Variants in CUX1 observed in about 807,000 individuals in gnomAD.
CUX1 encodes protein CASP.
CUX1 carries 31 observed loss-of-function variants against 158.8 expected under a neutral mutation model. That is an observed-to-expected ratio of 0.20 (90% CI 0.15 to 0.26). The LOEUF is 0.26. CUX1 is among the 10% of genes least tolerant of loss of function. The probability of loss-of-function intolerance (pLI) is 1.00; values close to 1 mark genes in which losing one functional copy is unlikely to be tolerated. For synonymous variants in CUX1, 879 were observed against 862.1 expected, an observed-to-expected ratio of 1.02 and a Z score of -0.34; for missense variants, 1,589 against 2,014.6, an observed-to-expected ratio of 0.79 and a Z score of 4.04.
intron 20 of CUX1, among the ~76,000 whole-genome samples, chr7:102,209,403 C>CTT (rs1451798959): frequency 6.6e-6 from 1 of 152,154 alleles, no homozygotes; most frequent in East Asian, 1.9e-4. Context: ...TGACCCACCA[C>CTT]TTTTTCTTAG....
At chr7:101,997,397 G>A (rs953263503) in intron 2 of CUX1, among the ~76,000 whole-genome samples, 3 of 152,134 alleles carry the variant, frequency 2.0e-5, no homozygotes, top group Admixed American at 6.5e-5. Context: ...AGGTTGGAGC[G>A]CAGTGGTGCA....
At chr7:101,897,173 A>T (rs569383082) in intron 1 of CUX1, among the ~76,000 whole-genome samples, 3 of 152,028 alleles carry the variant, frequency 2.0e-5, no homozygotes, top group Admixed American at 6.5e-5. Context: ...GAGGTTTCAA[A>T]CTCTCTCTTC....
At chr7:101,913,559 C>G (rs1803764091) in intron 1 of CUX1, 5 of 315,144 alleles carry the variant, frequency 1.6e-5, no homozygotes, top group Non-Finnish European at 2.6e-5. Context: ...GGCCCACAGA[C>G]CCCCGGCTCA....
exon 23 of CUX1, chr7:102,283,393 A>G (rs1792263010): frequency 2.4e-6 from 1 of 416,648 alleles, no homozygotes. Flanking sequence ...CTGGTGGCAG[A>G]GGTCCCTCAG....
rs143439354 is a variant in CUX1 at position 102,054,775 on chromosome 7, C to G, written c.190-15564C>G. On this transcript the variant is annotated intron_variant, in intron 3 of 23. Transcript: ENST00000292535. ...TTGAACCTAATAATTCAAGACCAGC[C>G]TGGACAATATAATGAGATCTCATCT... is the stretch of plus-strand genomic sequence containing the variant. 5.7e-3 allele frequency among the ~76,000 whole-genome samples: 874 copies of G among 152,206 alleles called. 18 individuals carry two copies. The highest frequency in any genetic ancestry group is 0.024 in the Admixed American group (373 of 15,282).
chr7:102,057,042 C>T (rs1325101984), intron 3 of CUX1, among the ~76,000 whole-genome samples: 10 of 151,706 alleles, frequency 6.6e-5, no homozygotes, highest in Non-Finnish European at 1.5e-4. Flanking sequence ...GCTGGGATTA[C>T]AGGTGTGTGC....
intron 3 of CUX1, among the ~76,000 whole-genome samples, chr7:102,047,601 G>C (rs1448823248): frequency 1.3e-5 from 2 of 151,924 alleles, no homozygotes; most frequent in Non-Finnish European, 2.9e-5. Flanking sequence ...GGGATGGATG[G>C]ATGGATGGAT....
intron 2 of CUX1, among the ~76,000 whole-genome samples, chr7:101,953,385 T>C (rs192039586): frequency 6.6e-6 from 1 of 152,298 alleles, no homozygotes; most frequent in Non-Finnish European, 1.5e-5. Context: ...AAGGTACTTA[T>C]TAGAAGAAAA....
In CUX1 at chr7:102,088,464, T is replaced by C. The variant is rs1367458939; in HGVS notation, c.269-8900T>C. ...CCTGGCCAATATGGTTAAAGCCCTG[T>C]CTCTACTAGAAAAACAAGAATTAGC... On this transcript the variant is annotated intron_variant, in intron 4 of 23. Coordinates refer to ENST00000292535, the MANE Select transcript of CUX1 (RefSeq NM_181552.4). Among the ~76,000 whole-genome samples the C allele has an allele frequency of 2.0e-5, 3 of 152,010 alleles. No individual in the cohort carries two copies. The East Asian group carries it at 5.8e-4, about 29-fold the overall frequency.
chr7:101,867,766 C>T (rs1022321108), intron 1 of CUX1, among the ~76,000 whole-genome samples: 1 of 152,076 alleles, frequency 6.6e-6, no homozygotes, highest in African/African-American at 2.4e-5. Flanking sequence ...GAATACAGAA[C>T]GCATTCATGA....
At chr7:102,088,692 T>C (rs144151796) in intron 4 of CUX1, among the ~76,000 whole-genome samples, 2 of 152,324 alleles carry the variant, frequency 1.3e-5, no homozygotes, top group Admixed American at 1.3e-4. Context: ...GTTCTGGTTT[T>C]TTCTCTCTCT....
chr7:102,216,538 A>C (rs1226928098), intron 20 of CUX1, among the ~76,000 whole-genome samples: 2 of 78,850 alleles, frequency 2.5e-5, no homozygotes, highest in Non-Finnish European at 2.5e-5. Context: ...TCCCCCCCAC[A>C]CACACACACC....
At chr7:101,871,485 G>A (rs1386788994) in intron 1 of CUX1, among the ~76,000 whole-genome samples, 1 of 152,088 alleles carries the variant, frequency 6.6e-6, no homozygotes. Context: ...GCAGCACAGC[G>A]AGCAGCCTCC....
intron 1 of CUX1, among the ~76,000 whole-genome samples, chr7:101,850,059 GA>G (rs1407041876): frequency 6.6e-6 from 1 of 151,896 alleles, no homozygotes; most frequent in East Asian, 1.9e-4. Flanking sequence ...TAGTAGCTGG[GA>G]TTATAGGAAT....
intron 2 of CUX1, among the ~76,000 whole-genome samples, chr7:101,949,641 G>A (rs981135749): frequency 6.6e-5 from 10 of 150,478 alleles, no homozygotes; most frequent in Middle Eastern, 3.2e-3. Flanking sequence ...AGTGATTCTC[G>A]TGCCTCAGCC....
chr7:101,984,556 C>G (rs144683468), intron 2 of CUX1, among the ~76,000 whole-genome samples: 1 of 150,438 alleles, frequency 6.6e-6, no homozygotes, highest in Non-Finnish European at 1.5e-5. Context: ...CTCAGGCGAG[C>G]TGTTGGGTGC....
chr7:102,087,631 A>G (rs1828083302), intron 4 of CUX1, among the ~76,000 whole-genome samples: 1 of 152,174 alleles, frequency 6.6e-6, no homozygotes, highest in Admixed American at 6.6e-5. Flanking sequence ...TATACCTTCA[A>G]ATAATACACC....
intron 8 of CUX1, among the ~76,000 whole-genome samples, chr7:102,124,146 G>C (rs566170340): frequency 7.9e-5 from 12 of 152,268 alleles, no homozygotes; most frequent in African/African-American, 2.9e-4. Context: ...GAAGGAAATG[G>C]GTAACGGACT....
At position 102,150,880 on chromosome 7, in the gene CUX1, C is replaced by G. The variant is rs1375193803; in HGVS notation, c.675-7680C>G. Among the ~76,000 whole-genome samples the G allele has an allele frequency of 6.6e-5, 10 of 152,328 alleles. No homozygotes were observed. The East Asian group carries it at 1.9e-3, about 29-fold the overall frequency. ...CATAATACCGGGCAGGTTAATAGAT[C>G]AGTGGAAGCTGTTTCGTCAGCTCAT... On this transcript the variant is annotated intron_variant, in intron 8 of 23. Transcript: ENST00000292535.
Sources: allele counts gnomAD v4.1 joint callset (sites outside exome capture counted in the v4.1 genomes callset), GRCh38; gene constraint gnomAD v4.1.1; transcripts MANE v1.5; gene names NCBI Gene and HGNC (gene_info 2026-07-23, HGNC 2026-07-21).